Variants in ASXL1 observed in about 807,000 individuals in gnomAD.
The protein encoded by ASXL1 is ASXL transcriptional regulator 1.
ASXL1 carries 65 observed loss-of-function variants against 89.1 expected under a neutral mutation model. The observed-to-expected ratio is 0.73, with a 90% CI of 0.60 to 0.90. The LOEUF is 0.90. Ranked by LOEUF, ASXL1 falls within the 40% of genes least tolerant of loss-of-function variation. The pLI is 0.00. For missense variants in ASXL1, 1,786 were observed against 1,942.9 expected, an observed-to-expected ratio of 0.92 and a Z score of 1.52; for synonymous variants, 739 against 746.9, an observed-to-expected ratio of 0.99 and a Z score of 0.17.
At chr20:32,400,386 C>G (rs542664836) in intron 4 of ASXL1, among the ~76,000 whole-genome samples, 2 of 152,096 alleles carry the variant, frequency 1.3e-5, no homozygotes, top group South Asian at 4.2e-4. Flanking sequence ...ACTTGAAAAC[C>G]GTTGATTCCT....
At chr20:32,364,840 A>G (rs1242397650) in intron 1 of ASXL1, among the ~76,000 whole-genome samples, 1 of 152,246 alleles carries the variant, frequency 6.6e-6, no homozygotes, top group Non-Finnish European at 1.5e-5. Context: ...GGCACAAGGT[A>G]CGTGTTCCAT....
Position 32,438,164 on chromosome 20 carries a change from ATT to A in ASXL1, c.*829_*830del. The A allele has an allele frequency of 4.3e-6, 1 of 233,402 alleles. No individual in the cohort carries two copies. Among genetic ancestry groups the A allele is most frequent in the Non-Finnish European group, 8.5e-6 (1 of 117,926 alleles). 14.5% of individuals were successfully genotyped at this position (233,402 alleles called of 1,614,324 possible). A position where few individuals can be genotyped will look rare whatever the true frequency, so the allele number is the denominator to read the frequency against. ...CCACGCACCTGTGTATGTGAAAGTC[ATT>A]TTACATTTCAAAGCAGTGTGTGTTT... is the stretch of plus-strand genomic sequence containing the variant. On this transcript the variant is annotated 3_prime_UTR_variant, in exon 13 of 13. Coordinates refer to ENST00000375687, the MANE Select transcript of ASXL1 (RefSeq NM_015338.6).
Position 32,403,510 on chromosome 20 carries a change from G to A in ASXL1, c.253-24618G>A, listed in dbSNP as rs532508133. Reference sequence around the variant, plus strand: ...GTTCACTGCTGCCTGGAATTCCTGGGCTCAAGGGATCCTCCTGCCTCAGCC... The same window carrying A: ...GTTCACTGCTGCCTGGAATTCCTGGACTCAAGGGATCCTCCTGCCTCAGCC... On this transcript the variant is annotated intron_variant, in intron 4 of 12. Coordinates refer to ENST00000375687, the MANE Select transcript of ASXL1 (RefSeq NM_015338.6). Among the ~76,000 whole-genome samples, 5 of 152,268 alleles carry A rather than the reference G, an allele frequency of 3.3e-5. No homozygotes were observed. In the East Asian group the frequency reaches 5.8e-4, roughly 18 times the overall value.
chr20:32,414,067 C>T (rs1389900868), intron 4 of ASXL1, among the ~76,000 whole-genome samples: 2 of 152,074 alleles, frequency 1.3e-5, no homozygotes, highest in Admixed American at 6.6e-5. Context: ...TTCTGGATAT[C>T]GTGTGTTTTT....
intron 4 of ASXL1, among the ~76,000 whole-genome samples, chr20:32,376,282 G>T (rs2048376891): frequency 6.6e-6 from 1 of 150,906 alleles, no homozygotes; most frequent in African/African-American, 2.4e-5. Flanking sequence ...GTGTTGTGTT[G>T]TGTTATCTTT....
chr20:32,429,176 G>A lies in ASXL1; in HGVS notation c.472-162G>A, dbSNP rs2011438687. 1.4e-6 allele frequency: 1 copy of A among 721,826 alleles called. No homozygotes were observed. Among genetic ancestry groups the A allele is most frequent in the Non-Finnish European group, 2.5e-6 (1 of 406,152 alleles). 44.7% of individuals were successfully genotyped at this position (721,826 alleles called of 1,614,324 possible). ...TGCTTGGCACAGTGACCAGCACGTA[G>A]CTCAGTAACATTAACCAGTGCTCTT... On this transcript the variant is annotated intron_variant, in intron 6 of 12. Coordinates refer to ENST00000375687, the MANE Select transcript of ASXL1 (RefSeq NM_015338.6). The surrounding 1 kb of genome is among the most constrained non-coding windows in gnomAD (Gnocchi z 4.9).
chr20:32,437,386 A>G lies in ASXL1; in HGVS notation c.*48A>G. On this transcript the variant is annotated 3_prime_UTR_variant, in exon 13 of 13. Coordinates refer to ENST00000375687, the MANE Select transcript of ASXL1 (RefSeq NM_015338.6). ...TTGTATATTTAGTGTGTGTATTTTG[A>G]TAATGATTGATCTTAAATCTGTATA... 6.3e-7 allele frequency: 1 copy of G among 1,593,242 alleles called. No individual in the cohort carries two copies. Among genetic ancestry groups the G allele is most frequent in the Non-Finnish European group, 8.6e-7 (1 of 1,161,448 alleles).
chr20:32,378,077 C>G (rs921834630), intron 4 of ASXL1, among the ~76,000 whole-genome samples: 2 of 147,108 alleles, frequency 1.4e-5, no homozygotes, highest in African/African-American at 5.0e-5. Flanking sequence ...GCAACCTTAG[C>G]TTCCTGGGCT....
chr20:32,401,522 ATG>A (rs1278707742), intron 4 of ASXL1, among the ~76,000 whole-genome samples: 15 of 126,738 alleles, frequency 1.2e-4, no homozygotes, highest in East Asian at 8.1e-4. Context: ...TGAACCATAT[ATG>A]TGTGTGTGTG....
intron 4 of ASXL1, among the ~76,000 whole-genome samples, chr20:32,411,796 C>G (rs62206927): frequency 0.35 from 53,226 of 151,954 alleles, 10,421 homozygotes; most frequent in East Asian, 0.73. Context: ...CTTTGGCCTC[C>G]CAAAGTGCTG....
intron 4 of ASXL1, among the ~76,000 whole-genome samples, chr20:32,403,375 A>T (rs2048906892): frequency 6.6e-6 from 1 of 151,950 alleles, no homozygotes; most frequent in African/African-American, 2.4e-5. Flanking sequence ...GAGTTGTTTC[A>T]GCTATTCTGG....
chr20:32,410,892 A>G (rs903058838), intron 4 of ASXL1, among the ~76,000 whole-genome samples: 3 of 151,954 alleles, frequency 2.0e-5, no homozygotes, highest in African/African-American at 7.3e-5. Flanking sequence ...TTAGCTGGAC[A>G]TGATGGCGCA....
rs2011833295 is a variant in ASXL1 at position 32,436,013 on chromosome 20, G to A, written c.3301G>A (p.Val1101Met). The A allele has an allele frequency of 6.2e-7, 1 of 1,614,042 alleles. No homozygotes were observed. The highest frequency in any genetic ancestry group is 1.1e-5 in the South Asian group (1 of 91,094). ...GTGCCTGTCCATGCCTGGGTCCTCA[G>A]TGGAGGCCACTAACCCACTTGTGAT... ...AVCLSMPGSSVEATNPLVMQL... is the reference protein window; with the variant it reads ...AVCLSMPGSSMEATNPLVMQL... Residue 1101 changes from valine to methionine, a missense_variant, in exon 13 of 13, where the codon GTG (valine) becomes ATG (methionine). Physicochemically the swap from Val to Met is conservative, Grantham distance 21 (BLOSUM62 1). Transcript: ENST00000375687.
chr20:32,362,037 C>T (rs1286564161), intron 1 of ASXL1, among the ~76,000 whole-genome samples: 1 of 152,146 alleles, frequency 6.6e-6, no homozygotes, highest in Admixed American at 6.5e-5. Context: ...CCACTGCACT[C>T]CAGCGGCGAC....
In ASXL1 at chr20:32,439,084, G is replaced by A. The variant is rs2012078150; in HGVS notation, c.*1746G>A. ...GCATGAGTGACAAGTTGGGAATGAT[G>A]TGGTGATTTAGAATGCAGTATTGGC... On this transcript the variant is annotated 3_prime_UTR_variant, in exon 13 of 13. Transcript: ENST00000375687. The A allele has an allele frequency of 4.3e-6, 1 of 233,194 alleles. No homozygotes were observed. The highest frequency in any genetic ancestry group is 6.0e-5 in the East Asian group (1 of 16,584). 14.4% of individuals were successfully genotyped at this position (233,194 alleles called of 1,614,324 possible). A position where few individuals can be genotyped will look rare whatever the true frequency, so the allele number is the denominator to read the frequency against.
intron 8 of ASXL1, chr20:32,430,713 A>G: frequency 4.2e-6 from 1 of 240,432 alleles, no homozygotes; most frequent in Non-Finnish European, 8.2e-6. Flanking sequence ...CCCATGTGAG[A>G]ACTAGGTTTG....
intron 4 of ASXL1, among the ~76,000 whole-genome samples, chr20:32,407,336 T>C (rs761674077): frequency 6.6e-6 from 1 of 150,656 alleles, no homozygotes. Context: ...AGAGCTAGAC[T>C]CCGTCTCGGG....
At chr20:32,418,159 CAG>C (rs1198023550) in intron 4 of ASXL1, among the ~76,000 whole-genome samples, 1 of 151,716 alleles carries the variant, frequency 6.6e-6, no homozygotes, top group Non-Finnish European at 1.5e-5. Context: ...GCCCAGATGA[CAG>C]AGCAAGACTC....
Position 32,431,822 on chromosome 20 carries a change from GGT to G in ASXL1, c.979+145_979+146del. The G allele has an allele frequency of 5.7e-6, 5 of 881,768 alleles. No individual in the cohort carries two copies. The South Asian group carries it at 5.7e-5, about 10-fold the overall frequency. The allele number at this position is 881,768 out of a possible 1,614,324, so 54.6% of individuals were successfully genotyped here. The stretch of plus-strand genomic sequence containing the variant: ...GGCTTTCCTCATTACTAATAAATGT[GGT>G]GGGTATTAATATGCCACACAGCTCT... On this transcript the variant is annotated intron_variant, in intron 10 of 12. Coordinates refer to ENST00000375687, the MANE Select transcript of ASXL1 (RefSeq NM_015338.6).
Sources: allele counts gnomAD v4.1 joint callset (sites outside exome capture counted in the v4.1 genomes callset), GRCh38; gene constraint gnomAD v4.1.1; non-coding constraint Gnocchi (gnomAD v3.1); transcripts MANE v1.5; gene names NCBI Gene and HGNC (gene_info 2026-07-23, HGNC 2026-07-21).